Variants in FBXO34 observed in about 807,000 individuals in gnomAD.
FBXO34 encodes the protein F-box protein 34.
In FBXO34, 12 loss-of-function variants were observed where a neutral mutation model predicts 24.5. The ratio of observed to expected loss-of-function variants is 0.49; its 90% CI spans 0.31 to 0.79. FBXO34 has a LOEUF of 0.79. Ranked by LOEUF, FBXO34 falls within the 30% of genes least tolerant of loss-of-function variation. The pLI, the probability that FBXO34 is intolerant of heterozygous loss-of-function variation, is 0.04. For missense variants in FBXO34, 823 were observed against 857.7 expected (o/e 0.96, Z 0.51); for synonymous variants, 320 against 311.9 (o/e 1.03, Z -0.27).
Position 55,351,842 on chromosome 14 carries a change from T to C in FBXO34, c.1452T>C (p.Phe484=). The change falls in exon 2 of 2, where the codon TTT becomes TTC. Residue 484 remains phenylalanine (F), a synonymous_variant. Coordinates refer to ENST00000313833, the MANE Select transcript of FBXO34 (RefSeq NM_017943.4). ...ACCCAGTTCCAGGGATGTTGTTTTTTTTGCCACCTGGTCAGCACTTGTCAG... is the reference window on the plus strand; with the variant it reads ...ACCCAGTTCCAGGGATGTTGTTTTTCTTGCCACCTGGTCAGCACTTGTCAG... ...CEDPVPGMLF[F]LPPGQHLSDY... is the part of the protein sequence containing the mutation. 6.2e-7 allele frequency: 1 copy of C among 1,614,186 alleles called. No homozygotes were observed. Among genetic ancestry groups the C allele is most frequent in the South Asian group, 1.1e-5 (1 of 91,086 alleles).
downstream of FBXO34, among the ~76,000 whole-genome samples, chr14:55,371,712 G>C (rs991302222): frequency 7.2e-5 from 11 of 152,158 alleles, no homozygotes; most frequent in Non-Finnish European, 8.8e-5. Context: ...GCTGAGGCAG[G>C]AGAACGGTGT....
chr14:55,281,067 G>A (rs181775069), intron 1 of FBXO34, among the ~76,000 whole-genome samples: 4 of 152,144 alleles, frequency 2.6e-5, no homozygotes, highest in Admixed American at 2.6e-4. Flanking sequence ...TACTGAAATA[G>A]TTTACAGTCT....
chr14:55,355,756 C>T (rs1884513686), downstream of FBXO34, among the ~76,000 whole-genome samples: 1 of 152,202 alleles, frequency 6.6e-6, no homozygotes, highest in Admixed American at 6.5e-5. Context: ...GAGGGCATCG[C>T]CCACAGTGCC....
At chr14:55,390,621 TC>T in the FBXO34 span, among the ~76,000 whole-genome samples, 1 of 152,218 alleles carries the variant, frequency 6.6e-6, no homozygotes, top group South Asian at 2.1e-4. Context: ...TCCGCCTGCC[TC>T]AGCCTCCCAA....
At chr14:55,340,303 G>A (rs1287095612) in intron 1 of FBXO34, among the ~76,000 whole-genome samples, 1 of 152,070 alleles carries the variant, frequency 6.6e-6, no homozygotes, top group Admixed American at 6.6e-5. Flanking sequence ...GGAGTGCAGT[G>A]GCATGATCAT....
At chr14:55,317,802 C>T (rs1482295266) in intron 1 of FBXO34, among the ~76,000 whole-genome samples, 1 of 152,182 alleles carries the variant, frequency 6.6e-6, no homozygotes, top group African/African-American at 2.4e-5. Context: ...ATCTGGCATG[C>T]ACATGTTCAC....
At chr14:55,390,623 A>G in the FBXO34 span, among the ~76,000 whole-genome samples, 12 of 151,508 alleles carry the variant, frequency 7.9e-5, no homozygotes, top group Non-Finnish European at 1.6e-4. Context: ...CGCCTGCCTC[A>G]GCCTCCCAAA....
the FBXO34 span, among the ~76,000 whole-genome samples, chr14:55,422,957 A>G: frequency 2.6e-5 from 4 of 152,192 alleles, no homozygotes; most frequent in Non-Finnish European, 4.4e-5. Flanking sequence ...AAAAAGTGCT[A>G]TTTATGCAAA....
At chr14:55,275,892 C>G (rs1881325580) in intron 1 of FBXO34, among the ~76,000 whole-genome samples, 1 of 148,890 alleles carries the variant, frequency 6.7e-6, no homozygotes, top group Non-Finnish European at 1.5e-5. Context: ...AGTTAAAGGT[C>G]AATTTAAGGA....
the FBXO34 span, among the ~76,000 whole-genome samples, chr14:55,416,245 C>T: frequency 6.6e-6 from 1 of 152,114 alleles, no homozygotes; most frequent in Non-Finnish European, 1.5e-5. Flanking sequence ...TTGTTATGTG[C>T]GTTCACCTTA....
At chr14:55,377,752 C>A in the FBXO34 span, 2 of 1,213,484 alleles carry the variant, frequency 1.6e-6, no homozygotes, top group East Asian at 2.4e-5. Context: ...CTCTACTATG[C>A]CAACATACAA....
intron 1 of FBXO34, among the ~76,000 whole-genome samples, chr14:55,281,652 C>T (rs890683858): frequency 1.3e-5 from 2 of 152,180 alleles, no homozygotes. Flanking sequence ...ATCTGTTTTA[C>T]GAAGTCTATT....
chr14:55,372,098 T>C (rs902170836), downstream of FBXO34, among the ~76,000 whole-genome samples: 1 of 152,110 alleles, frequency 6.6e-6, no homozygotes, highest in Non-Finnish European at 1.5e-5. Context: ...CACTCCCAAA[T>C]ATCCTCTGGT....
At chr14:55,397,376 T>C in the FBXO34 span, 21 of 1,613,266 alleles carry the variant, frequency 1.3e-5, no homozygotes, top group Non-Finnish European at 1.7e-5. Flanking sequence ...ACTCACTCTT[T>C]CTGAAATTCT....
At chr14:55,385,097 TGTA>T in the FBXO34 span, among the ~76,000 whole-genome samples, 1 of 152,218 alleles carries the variant, frequency 6.6e-6, no homozygotes, top group Non-Finnish European at 1.5e-5. Flanking sequence ...TAAGCCAACA[TGTA>T]GTGCCCACCA....
At chr14:55,332,583 G>A (rs1396482445) in intron 1 of FBXO34, among the ~76,000 whole-genome samples, 1 of 152,164 alleles carries the variant, frequency 6.6e-6, no homozygotes, top group African/African-American at 2.4e-5. Context: ...CTAAAACTAG[G>A]AGGGAAGTAT....
At chr14:55,426,496 G>C in the FBXO34 span, among the ~76,000 whole-genome samples, 41 of 152,146 alleles carry the variant, frequency 2.7e-4, 1 homozygote, top group African/African-American at 9.4e-4. Flanking sequence ...TATGTAGCAT[G>C]GTTCCCCACA....
rs386381425 is a variant in FBXO34, at chr14:55,327,908, G to GTTTTTTTTTTTT, written c.-10-22449_-10-22438dup. ...CATATGATTTTCTTTGTTGTTGTTG[G>GTTTTTTTTTTTT]TTTTTTTTTTTTTTTTTTTTTTTTT... On this transcript the variant is annotated intron_variant, in intron 1 of 1. Coordinates refer to ENST00000313833, the MANE Select transcript of FBXO34 (RefSeq NM_017943.4). 3.7e-4 allele frequency among the ~76,000 whole-genome samples: 18 copies of GTTTTTTTTTTTT among 48,726 alleles called. 3 individuals are homozygous for GTTTTTTTTTTTT. Among genetic ancestry groups the GTTTTTTTTTTTT allele is most frequent in the Non-Finnish European group, 4.9e-4 (14 of 28,540 alleles). The allele number at this position is 48,726 out of a possible 152,430, so 32.0% of individuals were successfully genotyped here. A position where few individuals can be genotyped will look rare whatever the true frequency, so the allele number is the denominator to read the frequency against.
intron 1 of FBXO34, among the ~76,000 whole-genome samples, chr14:55,289,568 C>G (rs967850262): frequency 2.6e-5 from 4 of 152,132 alleles, no homozygotes; most frequent in African/African-American, 7.2e-5. Flanking sequence ...AGAGGTCTTG[C>G]TTTGTGCCCC....
Sources: gnomAD v4.1 joint callset for allele counts (sites outside exome capture counted in the v4.1 genomes callset) on GRCh38, gnomAD v4.1.1 for gene constraint, MANE v1.5 for transcripts, NCBI Gene and HGNC (gene_info 2026-07-23, HGNC 2026-07-21) for gene names.